Variants in CLEC1A observed in about 807,000 individuals in gnomAD.
CLEC1A encodes the protein C-type lectin domain family 1 member A.
A neutral mutation model predicts 28.7 loss-of-function variants in CLEC1A; 34 were observed. The ratio of observed to expected loss-of-function variants is 1.18; its 90% CI spans 0.90 to 1.57. The LOEUF (loss-of-function observed/expected upper bound fraction) is 1.57. Among genes scored for constraint, CLEC1A ranks in the 40% most tolerant of loss-of-function variants. The probability of loss-of-function intolerance (pLI) is 0.00; values close to 1 mark genes in which losing one functional copy is unlikely to be tolerated. For missense variants in CLEC1A, 385 were observed against 339.5 expected (o/e 1.13, Z -1.05); for synonymous variants, 116 against 121.0 (o/e 0.96, Z 0.27).
At chr12:10,080,198 A>C (rs905981514) in intron 3 of CLEC1A, among the ~76,000 whole-genome samples, 1 of 152,138 alleles carries the variant, frequency 6.6e-6, no homozygotes, top group African/African-American at 2.4e-5. Context: ...CTGTAGTCCC[A>C]GCTACTCAGG....
intron 5 of CLEC1A, among the ~76,000 whole-genome samples, chr12:10,072,974 G>A (rs1378008476): frequency 6.6e-6 from 1 of 152,140 alleles, no homozygotes; most frequent in Non-Finnish European, 1.5e-5. Flanking sequence ...GAGCTACTCA[G>A]AAGGCTGAGG....
At chr12:10,087,204 C>CA (rs59407880) in intron 2 of CLEC1A, among the ~76,000 whole-genome samples, 2,681 of 75,952 alleles carry the variant, frequency 0.035, 283 homozygotes, top group East Asian at 0.22. Flanking sequence ...GACTCCATCT[C>CA]AAAAAAAAAA....
intron 2 of CLEC1A, among the ~76,000 whole-genome samples, chr12:10,087,257 GATAATACCCC>G (rs1866514662): frequency 1.5e-5 from 2 of 130,762 alleles, no homozygotes; most frequent in Non-Finnish European, 3.3e-5. Flanking sequence ...ACATCAAAAA[GATAATACCCC>G]ATGATAAAGT....
rs1264128972 is a variant in CLEC1A at position 10,089,200 on chromosome 12, C to G, written c.138G>C (p.Thr46=). Reference sequence around the variant, plus strand: ...GCAGGGTCAGGGCCACTGGTCGCCACGTTGAAGAGGGAGCCCTGTGCTCTG... The same window carrying G: ...GCAGGGTCAGGGCCACTGGTCGCCAGGTTGAAGAGGGAGCCCTGTGCTCTG... ...RRTEHRAPSS[T]WRPVALTLLT... is the part of the protein sequence containing the mutation. Residue 46 remains threonine (T), a synonymous_variant, in exon 2 of 6, where the codon ACG becomes ACC. Coordinates refer to ENST00000315330, the MANE Select transcript of CLEC1A (RefSeq NM_016511.4). 4 of 1,613,842 alleles carry G rather than the reference C, an allele frequency of 2.5e-6. No individual in the cohort carries two copies. In the African/African-American group the frequency reaches 5.3e-5, roughly 22 times the overall value.
chr12:10,093,981 C>G (rs775551309), intron 1 of CLEC1A, among the ~76,000 whole-genome samples: 5 of 152,182 alleles, frequency 3.3e-5, no homozygotes, highest in Non-Finnish European at 7.4e-5. Flanking sequence ...TATTTTCATA[C>G]TCTCTAAATG....
At position 10,070,357 on chromosome 12, in the gene CLEC1A, T is replaced by C. The variant is rs2137321962; in HGVS notation, c.*976A>G. 6.6e-6 allele frequency: 1 copy of C among 152,362 alleles called. No homozygotes were observed. Among genetic ancestry groups the C allele is most frequent in the South Asian group, 2.1e-4 (1 of 4,834 alleles). The allele number at this position is 152,362 out of a possible 1,614,324, so 9.4% of individuals were successfully genotyped here. On this transcript the variant is annotated 3_prime_UTR_variant, in exon 6 of 6. Coordinates refer to ENST00000315330, the MANE Select transcript of CLEC1A (RefSeq NM_016511.4). ...CCAGATAATCATGTAATCAGTACTC[T>C]TGTAAATTCCCCAAAAACTTTCAGT...
At chr12:10,080,010 A>G (rs1866333140) in intron 3 of CLEC1A, among the ~76,000 whole-genome samples, 1 of 152,118 alleles carries the variant, frequency 6.6e-6, no homozygotes, top group Non-Finnish European at 1.5e-5. Flanking sequence ...GCTTTGTTAG[A>G]AAAATTTGTA....
Position 10,092,810 on chromosome 12 carries a change from C to T in CLEC1A, c.116-3588G>A, listed in dbSNP as rs1947724254. Among the ~76,000 whole-genome samples, 6 of 152,246 alleles carry T rather than the reference C, an allele frequency of 3.9e-5. No individual in the cohort carries two copies. In the South Asian group the frequency reaches 1.0e-3, roughly 26 times the overall value. On this transcript the variant is annotated intron_variant, in intron 1 of 5. Coordinates refer to ENST00000315330, the MANE Select transcript of CLEC1A (RefSeq NM_016511.4). ...GGCAGAAAAAATAAAAGAAGTATAA[C>T]AGGCTTTAAAAAGTTTTTAAAAATC...
chr12:10,089,017 C>A, intron 2 of CLEC1A, 107 bp downstream of exon 2: 1 of 825,320 alleles, frequency 1.2e-6, no homozygotes, highest in South Asian at 1.5e-5. Context: ...CTGAATTTTC[C>A]AAAGGCTAAG....
At position 10,075,510 on chromosome 12, in the gene CLEC1A, T is replaced by C; in HGVS notation, c.537A>G (p.Glu179=). The change falls in exon 4 of 6, where the codon GAA becomes GAG. Residue 179 remains glutamate (E), a synonymous_variant. Transcript: ENST00000315330. ...AAAAGCCTCAGAATCTTACCAGGTC[T>C]TCTTGTTTGTTTATCTTCAGCATGG... ...NSTMLKINKQ[E]DLEFAASQSY... The C allele has an allele frequency of 6.2e-7, 1 of 1,613,806 alleles. No homozygotes were observed. The highest frequency in any genetic ancestry group is 2.2e-5 in the East Asian group (1 of 44,868).
chr12:10,095,115 T>C (rs560963405), intron 1 of CLEC1A, among the ~76,000 whole-genome samples: 41 of 152,286 alleles, frequency 2.7e-4, no homozygotes, highest in African/African-American at 9.6e-4. Flanking sequence ...CATAATGTCT[T>C]GTCATTAGTA....
chr12:10,080,685 G>A (rs1197331590), intron 3 of CLEC1A, among the ~76,000 whole-genome samples: 1 of 152,202 alleles, frequency 6.6e-6, no homozygotes, highest in Non-Finnish European at 1.5e-5. Context: ...ACACTGAAGC[G>A]ATGCTCCTAG....
intron 2 of CLEC1A, among the ~76,000 whole-genome samples, chr12:10,084,776 C>T (rs540025331): frequency 4.1e-4 from 59 of 143,392 alleles, no homozygotes; most frequent in Non-Finnish European, 6.6e-4. Context: ...GAACCGAGAT[C>T]GCGCCACTGC....
intron 5 of CLEC1A, 28 bp from the exon 6 acceptor site, chr12:10,071,541 A>C (rs749674889): frequency 6.6e-7 from 1 of 1,516,648 alleles, no homozygotes; most frequent in Non-Finnish European, 9.0e-7. Context: ...AAGTAAATTC[A>C]ATCACGGTTT....
Position 10,081,316 on chromosome 12 carries a change from T to A in CLEC1A, c.312A>T (p.Gln104His), listed in dbSNP as rs1181062612. 2.5e-6 allele frequency: 4 copies of A among 1,613,496 alleles called. No homozygotes were observed. In the Admixed American group the frequency reaches 6.7e-5, roughly 27 times the overall value. Residue 104 changes from glutamine to histidine, a missense_variant, in exon 3 of 6, where the codon CAA becomes CAT. Coordinates refer to ENST00000315330, the MANE Select transcript of CLEC1A (RefSeq NM_016511.4). The part of the protein sequence containing the change: ...GNTSQELQSL[Q>H]VQNIKLAGSL... ...TTCCTGCAAGCTTTATATTCTGGACTTGAAGAGATTGCAACTCTTGGGACG... is the reference window on the plus strand; with the variant it reads ...TTCCTGCAAGCTTTATATTCTGGACATGAAGAGATTGCAACTCTTGGGACG...
chr12:10,083,265 A>G (rs2137349444), intron 2 of CLEC1A, among the ~76,000 whole-genome samples: 2 of 152,336 alleles, frequency 1.3e-5, no homozygotes, highest in Middle Eastern at 6.8e-3. Flanking sequence ...CCCAAATGAC[A>G]AGGAAACAGA....
chr12:10,081,788 C>T (rs144237169), intron 2 of CLEC1A, among the ~76,000 whole-genome samples: 1 of 151,410 alleles, frequency 6.6e-6, no homozygotes, highest in East Asian at 1.9e-4. Flanking sequence ...AGAAGCAACT[C>T]AATACTGAAA....
In CLEC1A at chr12:10,098,869, G is replaced by C; in HGVS notation, c.54C>G (p.Thr18=). 6.2e-7 allele frequency: 1 copy of C among 1,613,704 alleles called. No homozygotes were observed. The highest frequency in any genetic ancestry group is 1.1e-5 in the South Asian group (1 of 90,960). Residue 18 remains threonine, a synonymous_variant, in exon 1 of 6, where the codon ACC becomes ACG. Coordinates refer to ENST00000315330, the MANE Select transcript of CLEC1A (RefSeq NM_016511.4). ...AGCCTTGAGAATGCAGGCTCATGGT[G>C]GTGTCCCCATCATCATCCAGCATGT... ...TRDMLDDDGD[T]TMSLHSQGSA...
chr12:10,097,915 T>TAAAAAAAAAAA lies in CLEC1A; in HGVS notation c.115+882_115+892dup, dbSNP rs11453815. The stretch of plus-strand genomic sequence containing the variant: ...TTAACAGCTTACTGGGTAGTTTAGT[T>TAAAAAAAAAAA]AAAAAAAAAAAAAGCCATATTAGTA... On this transcript the variant is annotated intron_variant, in intron 1 of 5. Transcript: ENST00000315330. Among the ~76,000 whole-genome samples the TAAAAAAAAAAA allele has an allele frequency of 8.5e-5, 10 of 117,874 alleles. 4 individuals carry two copies. The highest frequency in any genetic ancestry group is 1.4e-4 in the Non-Finnish European group (8 of 57,680). 77.3% of individuals were successfully genotyped at this position (117,874 alleles called of 152,430 possible). A position where few individuals can be genotyped will look rare whatever the true frequency, so the allele number is the denominator to read the frequency against.
Sources: gnomAD v4.1 joint callset for allele counts (sites outside exome capture counted in the v4.1 genomes callset) on GRCh38, gnomAD v4.1.1 for gene constraint, MANE v1.5 for transcripts, NCBI Gene and HGNC (gene_info 2026-07-23, HGNC 2026-07-21) for gene names.